The following FCHO2 variants were observed in gnomAD, a reference collection of about 807,000 sequenced individuals.
The protein encoded by FCHO2 is F-BAR domain only protein 2.
A neutral mutation model predicts 114.1 loss-of-function variants in FCHO2; 43 were observed. The observed-to-expected ratio is 0.38, with a 90% confidence interval of 0.30 to 0.49. FCHO2 has a LOEUF of 0.49. Ranked by LOEUF, FCHO2 falls within the 20% of genes least tolerant of loss-of-function variation. The pLI, the probability that FCHO2 is intolerant of heterozygous loss-of-function variation, is 0.97. For synonymous variants in FCHO2, 293 were observed against 315.2 expected (o/e 0.93, Z 0.75); for missense variants, 807 against 950.4 (o/e 0.85, Z 1.98).
chr5:72,986,008 A>G (rs904521303), intron 2 of FCHO2, among the ~76,000 whole-genome samples: 1 of 151,872 alleles, frequency 6.6e-6, no homozygotes, highest in Non-Finnish European at 1.5e-5. Flanking sequence ...TTTGTCCTTT[A>G]CATCTCTTCT....
Position 73,074,872 on chromosome 5 carries a change from T to C in FCHO2, c.1691+19T>C. The C allele has an allele frequency of 6.3e-7, 1 of 1,585,186 alleles. No individual in the cohort carries two copies. The highest frequency in any genetic ancestry group is 1.7e-4 in the Middle Eastern group (1 of 6,006). ...CCACCAAGTTAGTTTTTAAAATATA[T>C]GCATGTATGTGTATGTATGTGTGTT... On this transcript the variant is annotated intron_variant, in intron 20 of 25. Coordinates refer to ENST00000430046, the MANE Select transcript of FCHO2 (RefSeq NM_138782.3).
chr5:73,073,420 C>T (rs987878438), intron 19 of FCHO2, among the ~76,000 whole-genome samples: 2 of 152,074 alleles, frequency 1.3e-5, no homozygotes, highest in African/African-American at 4.8e-5. Flanking sequence ...TCCAGCCTCT[C>T]CCTCACATTT....
intron 6 of FCHO2, 83 bp downstream of exon 6, chr5:73,006,632 A>G: frequency 1.1e-6 from 1 of 916,342 alleles, no homozygotes. Flanking sequence ...ATAATTTTTT[A>G]GTGTTGGAAG....
intron 20 of FCHO2, 147 bp downstream of exon 20, chr5:73,075,000 T>TCAAATGA: frequency 1.6e-6 from 1 of 628,394 alleles, no homozygotes; most frequent in Non-Finnish European, 2.7e-6. Context: ...TTTTTTGCTA[T>TCAAATGA]CTAAGGTAGT....
At chr5:73,064,189 T>C (rs769993854) in intron 18 of FCHO2, among the ~76,000 whole-genome samples, 3 of 152,056 alleles carry the variant, frequency 2.0e-5, no homozygotes, top group Non-Finnish European at 4.4e-5. Context: ...ATTATAAAAA[T>C]ACCATTCAGT....
In FCHO2 at chr5:72,990,593, G is replaced by A. The variant is rs1411891941; in HGVS notation, c.316G>A (p.Glu106Lys). Reference protein sequence around the residue: ...ELIKEVQKYGEEQVKSHKKTK... With the variant: ...ELIKEVQKYGKEQVKSHKKTK... ...AATAAAGGAAGTTCAGAAGTATGGA[G>A]AAGAACAAGTAAAGTCTCATAAAAA... Residue 106 changes from glutamate to lysine, a missense_variant, in exon 4 of 26, where the codon GAA (glutamate) becomes AAA (lysine). By Grantham distance (56) the Glu-to-Lys change is moderately conservative. Coordinates refer to ENST00000430046, the MANE Select transcript of FCHO2 (RefSeq NM_138782.3). 1.3e-6 allele frequency: 2 copies of A among 1,533,940 alleles called. No individual in the cohort carries two copies. Among genetic ancestry groups the A allele is most frequent in the Non-Finnish European group, 1.7e-6 (2 of 1,145,080 alleles).
chr5:72,991,045 A>G (rs1753782742), intron 5 of FCHO2, among the ~76,000 whole-genome samples, 181 bp downstream of exon 5: 1 of 152,190 alleles, frequency 6.6e-6, no homozygotes, highest in East Asian at 1.9e-4. Flanking sequence ...ATCTGTGGTA[A>G]ATAGGTTAGC....
At chr5:73,019,226 TA>T (rs1755476472) in intron 8 of FCHO2, among the ~76,000 whole-genome samples, 1 of 152,208 alleles carries the variant, frequency 6.6e-6, no homozygotes. Context: ...CTTCCATCAT[TA>T]ACATTTGCCA....
At chr5:73,084,751 G>T (rs933870307) in intron 24 of FCHO2, among the ~76,000 whole-genome samples, 2 of 152,174 alleles carry the variant, frequency 1.3e-5, no homozygotes, top group Non-Finnish European at 2.9e-5. Context: ...TGCAGAATAA[G>T]ACTTTTACTG....
intron 24 of FCHO2, among the ~76,000 whole-genome samples, chr5:73,084,576 T>C (rs960923608): frequency 3.9e-5 from 6 of 152,242 alleles, no homozygotes; most frequent in Admixed American, 6.5e-5. Context: ...TAGTCTCCAA[T>C]AACTCCTCTA....
rs537071257 is a variant in FCHO2, at chr5:73,051,519, G to T, written c.997+113G>T. 7 of 651,552 alleles carry T rather than the reference G, an allele frequency of 1.1e-5. No individual in the cohort carries two copies. In the South Asian group the frequency reaches 1.9e-4, roughly 17 times the overall value. The allele number at this position is 651,552 out of a possible 1,614,324, so 40.4% of individuals were successfully genotyped here. ...AATTTTTTATTAATTATAAAATATG[G>T]TTCCTTGTTTGTCATTTGACATGTT... On this transcript the variant is annotated intron_variant, in intron 12 of 25. Transcript: ENST00000430046.
At chr5:72,997,718 C>T (rs945176326) in intron 5 of FCHO2, 2 of 1,498,626 alleles carry the variant, frequency 1.3e-6, no homozygotes, top group African/African-American at 1.4e-5. Flanking sequence ...CGTTTGATGC[C>T]CTGTCCAATG....
At chr5:73,085,784 A>G (rs1472875249) in intron 24 of FCHO2, among the ~76,000 whole-genome samples, 1 of 8,960 alleles carries the variant, frequency 1.1e-4, no homozygotes, top group African/African-American at 1.7e-4. Flanking sequence ...CAAAAAATAA[A>G]TAAATAAATA....
At chr5:73,059,359 T>C (rs543966470) in intron 17 of FCHO2, among the ~76,000 whole-genome samples, 1 of 152,230 alleles carries the variant, frequency 6.6e-6, no homozygotes, top group South Asian at 2.1e-4. Flanking sequence ...CATGAAGTTG[T>C]TTTTATTGTC....
chr5:72,996,875 G>A (rs1754141733), intron 5 of FCHO2: 2 of 1,438,016 alleles, frequency 1.4e-6, no homozygotes, highest in African/African-American at 1.4e-5. Flanking sequence ...GGGGGCCCCC[G>A]GGGCCGGCGG....
chr5:73,057,641 TA>T (rs1757657718), intron 16 of FCHO2, among the ~76,000 whole-genome samples: 1 of 152,170 alleles, frequency 6.6e-6, no homozygotes, highest in Non-Finnish European at 1.5e-5. Context: ...TCTTTGAAAA[TA>T]AGTATGGCCT....
chr5:73,021,531 C>G (rs1447883929), intron 8 of FCHO2, among the ~76,000 whole-genome samples: 1 of 152,082 alleles, frequency 6.6e-6, no homozygotes, highest in African/African-American at 2.4e-5. Flanking sequence ...CACTACTTTC[C>G]TACACCACAT....
At position 72,990,807 on chromosome 5, in the gene FCHO2, G is replaced by A; in HGVS notation, c.438G>A (p.Lys146=). Reference sequence around the variant, plus strand: ...AATCCAAGGAAAATTACAATGCCAAGTGTGTAGAACAGGAGCGTTTGAAAA... The same window carrying A: ...AATCCAAGGAAAATTACAATGCCAAATGTGTAGAACAGGAGCGTTTGAAAA... ...LQKSKENYNA[K]CVEQERLKKE... The change falls in exon 5 of 26, where the codon AAG becomes AAA. Residue 146 remains lysine (K), a synonymous_variant. Transcript: ENST00000430046. The A allele has an allele frequency of 6.4e-7, 1 of 1,552,642 alleles. No individual in the cohort carries two copies. Among genetic ancestry groups the A allele is most frequent in the East Asian group, 2.4e-5 (1 of 40,986 alleles).
Position 73,017,321 on chromosome 5 carries a change from A to G in FCHO2, c.796+13A>G, listed in dbSNP as rs778102645. 3.5e-5 allele frequency: 52 copies of G among 1,494,886 alleles called. 1 individual carries two copies. In the African/African-American group the frequency reaches 5.2e-4, roughly 15 times the overall value. 92.6% of individuals were successfully genotyped at this position (1,494,886 alleles called of 1,614,324 possible). ...AAGGAAAGACCTGGTAAGATGATAA[A>G]CTCTGCAAGGAAACATTTTAAATTT... On this transcript the variant is annotated intron_variant, in intron 8 of 25. Coordinates refer to ENST00000430046, the MANE Select transcript of FCHO2 (RefSeq NM_138782.3).
Sources: allele counts gnomAD v4.1 joint callset (sites outside exome capture counted in the v4.1 genomes callset), GRCh38; gene constraint gnomAD v4.1.1; transcripts MANE v1.5; gene names NCBI Gene and HGNC (gene_info 2026-07-23, HGNC 2026-07-21).